Variants in FBXL17 observed in about 807,000 individuals in gnomAD.
FBXL17 encodes F-box and leucine rich repeat protein 17, also known as F-box/LRR-repeat protein 17.
FBXL17 carries 22 observed loss-of-function variants against 66.2 expected under a neutral mutation model. The observed-to-expected ratio is 0.33, with a 90% CI of 0.24 to 0.47. The LOEUF is 0.47. FBXL17 is among the 20% of genes least tolerant of loss of function. The probability of loss-of-function intolerance (pLI) is 1.00; values close to 1 mark genes in which losing one functional copy is unlikely to be tolerated. For missense variants in FBXL17, 878 were observed against 948.2 expected, an observed-to-expected ratio of 0.93 and a Z score of 0.97; for synonymous variants, 474 against 400.5, an observed-to-expected ratio of 1.18 and a Z score of -2.19.
At chr5:108,371,193 G>A (rs1749015963) in intron 1 of FBXL17, among the ~76,000 whole-genome samples, 1 of 152,096 alleles carries the variant, frequency 6.6e-6, no homozygotes, top group African/African-American at 2.4e-5. Flanking sequence ...CAAATGCTAC[G>A]TCAGTAGCAG....
chr5:107,922,911 C>G (rs1040001562), intron 7 of FBXL17, among the ~76,000 whole-genome samples: 4 of 152,192 alleles, frequency 2.6e-5, no homozygotes, highest in Admixed American at 6.5e-5. Context: ...TGTAGTGGGT[C>G]ATAAAGCATT....
At chr5:108,107,374 T>C (rs1296668230) in intron 6 of FBXL17, among the ~76,000 whole-genome samples, 1 of 152,216 alleles carries the variant, frequency 6.6e-6, no homozygotes, top group Non-Finnish European at 1.5e-5. Context: ...ACGAAAAGTA[T>C]ATTATTTTGG....
Position 108,298,765 on chromosome 5 carries a change from ATTC to A in FBXL17, c.1506+49631_1506+49633del, listed in dbSNP as rs756689174. ...TTAAATCCATGTTTGTTTATTCACT[ATTC>A]TTAACCATTAATCAAAAACCTAATT... is the stretch of plus-strand genomic sequence containing the variant. On this transcript the variant is annotated intron_variant, in intron 4 of 8. Transcript: ENST00000542267. 1,610 of 759,666 alleles carry A rather than the reference ATTC, an allele frequency of 2.1e-3. 3 individuals are homozygous for A. Among genetic ancestry groups the A allele is most frequent in the Non-Finnish European group, 2.4e-3 (1,470 of 624,424 alleles). The allele number at this position is 759,666 out of a possible 1,614,324, so 47.1% of individuals were successfully genotyped here. A position where few individuals can be genotyped will look rare whatever the true frequency, so the allele number is the denominator to read the frequency against.
chr5:108,352,619 T>C (rs1747725054), intron 3 of FBXL17, among the ~76,000 whole-genome samples: 1 of 152,144 alleles, frequency 6.6e-6, no homozygotes, highest in Non-Finnish European at 1.5e-5. Flanking sequence ...CAAGCGATTC[T>C]CCTGCCTCAG....
chr5:107,870,365 T>C (rs1390195087), intron 8 of FBXL17, among the ~76,000 whole-genome samples: 1 of 152,126 alleles, frequency 6.6e-6, no homozygotes, highest in Non-Finnish European at 1.5e-5. Flanking sequence ...TGAAACAAAA[T>C]GTGTATTCTT....
At chr5:108,085,180 G>C (rs949292950) in intron 6 of FBXL17, among the ~76,000 whole-genome samples, 7 of 152,182 alleles carry the variant, frequency 4.6e-5, no homozygotes, top group African/African-American at 1.7e-4. Context: ...CTGTACGACA[G>C]CTTTAGTGTT....
chr5:108,226,040 G>T (rs529786869), intron 4 of FBXL17, among the ~76,000 whole-genome samples: 6 of 151,992 alleles, frequency 3.9e-5, no homozygotes, highest in African/African-American at 1.4e-4. Context: ...TAATTGCATG[G>T]CTCCTTAATA....
intron 4 of FBXL17, among the ~76,000 whole-genome samples, chr5:108,343,503 G>C (rs1277820191): frequency 2.6e-5 from 4 of 152,096 alleles, no homozygotes; most frequent in Non-Finnish European, 5.9e-5. Context: ...TGAGAAATAA[G>C]ACATCAAGAT....
chr5:108,018,472 TG>T (rs1754467647), intron 7 of FBXL17, among the ~76,000 whole-genome samples: 1 of 152,136 alleles, frequency 6.6e-6, no homozygotes, highest in Non-Finnish European at 1.5e-5. Flanking sequence ...TTGTAGTGGG[TG>T]AAAAGATGAG....
At chr5:108,107,811 C>CAAAAAAAA (rs143806373) in intron 6 of FBXL17, among the ~76,000 whole-genome samples, 7 of 120,536 alleles carry the variant, frequency 5.8e-5, no homozygotes, top group Non-Finnish European at 6.7e-5. Context: ...GACTCTGTCT[C>CAAAAAAAA]AAAAAAAAAA....
In FBXL17 at chr5:108,219,268, G is replaced by T. The variant is rs139122022; in HGVS notation, c.1614+4853C>A. ...GAGTATTGGAAAATTTTTAACTACA[G>T]AAGCAATTTCTTTAAGAAATACAGG... On this transcript the variant is annotated intron_variant, in intron 5 of 8. Coordinates refer to ENST00000542267, the MANE Select transcript of FBXL17 (RefSeq NM_001163315.3). Among the ~76,000 whole-genome samples, 537 of 148,648 alleles carry T rather than the reference G, an allele frequency of 3.6e-3. 1 individual carries two copies. Among genetic ancestry groups the T allele is most frequent in the African/African-American group, 0.013 (513 of 40,104 alleles).
chr5:108,259,267 G>A (rs964879221), intron 4 of FBXL17, among the ~76,000 whole-genome samples: 10 of 152,142 alleles, frequency 6.6e-5, no homozygotes, highest in African/African-American at 2.2e-4. Flanking sequence ...AATGTCTATC[G>A]ATATGGGATA....
At chr5:108,335,500 T>C (rs1030881769) in intron 4 of FBXL17, among the ~76,000 whole-genome samples, 1 of 152,006 alleles carries the variant, frequency 6.6e-6, no homozygotes, top group African/African-American at 2.4e-5. Context: ...AGCTCAGAGA[T>C]GGAGGGTAAG....
intron 4 of FBXL17, among the ~76,000 whole-genome samples, chr5:108,320,695 C>T (rs1580810756): frequency 6.6e-6 from 1 of 151,720 alleles, no homozygotes; most frequent in Admixed American, 6.6e-5. Flanking sequence ...TTACTAAATA[C>T]GTAATTGCTA....
intron 7 of FBXL17, among the ~76,000 whole-genome samples, chr5:108,009,262 T>A (rs376760665): frequency 0.027 from 306 of 11,242 alleles, 117 homozygotes; most frequent in East Asian, 0.089. Context: ...TTCCCTGTTT[T>A]ATATATATAT....
At chr5:108,212,003 T>G (rs1380079493) in intron 5 of FBXL17, among the ~76,000 whole-genome samples, 1 of 152,210 alleles carries the variant, frequency 6.6e-6, no homozygotes, top group East Asian at 1.9e-4. Context: ...CAGTCCCATA[T>G]TTCTTGTTCC....
intron 7 of FBXL17, among the ~76,000 whole-genome samples, chr5:107,904,124 C>T (rs910730853): frequency 3.9e-5 from 6 of 152,162 alleles, no homozygotes; most frequent in South Asian, 2.1e-4. Context: ...TTTCTGCCTC[C>T]GGGGCTTCAC....
intron 6 of FBXL17, among the ~76,000 whole-genome samples, chr5:108,117,379 G>A (rs973228287): frequency 3.9e-5 from 6 of 152,116 alleles, no homozygotes; most frequent in Admixed American, 2.6e-4. Flanking sequence ...TCTCTCAAAC[G>A]TATAAGCTAA....
intron 7 of FBXL17, among the ~76,000 whole-genome samples, chr5:107,930,108 C>A (rs1750681111): frequency 6.6e-6 from 1 of 152,142 alleles, no homozygotes; most frequent in South Asian, 2.1e-4. Flanking sequence ...GTAAATTTTT[C>A]AAACAGTAAT....
Sources: gnomAD v4.1 joint callset for allele counts (sites outside exome capture counted in the v4.1 genomes callset) on GRCh38, gnomAD v4.1.1 for gene constraint, MANE v1.5 for transcripts, NCBI Gene and HGNC (gene_info 2026-07-23, HGNC 2026-07-21) for gene names.